TAFA5: variants seen among roughly 807,000 people sequenced by gnomAD.
TAFA5 encodes the protein chemokine-like protein TAFA-5.
A neutral mutation model predicts 15.3 loss-of-function variants in TAFA5; 6 were observed. The observed-to-expected ratio is 0.39, with a 90% CI of 0.21 to 0.77. The LOEUF (loss-of-function observed/expected upper bound fraction) is 0.77. Among genes scored for constraint, TAFA5 ranks in the 30% least tolerant of loss-of-function variants. The pLI is 0.41. For missense variants in TAFA5, 161 were observed against 193.1 expected (o/e 0.83, Z 0.98); for synonymous variants, 103 against 80.7 (o/e 1.28, Z -1.48).
At chr22:48,695,034 G>A (rs578082840) in intron 2 of TAFA5, among the ~76,000 whole-genome samples, 1 of 152,054 alleles carries the variant, frequency 6.6e-6, no homozygotes, top group African/African-American at 2.4e-5. Context: ...CCTGTGTCAG[G>A]ACTTACTGCC....
intron 1 of TAFA5, among the ~76,000 whole-genome samples, chr22:48,540,821 C>T (rs964082456): frequency 1.1e-4 from 16 of 147,832 alleles, no homozygotes; most frequent in East Asian, 4.0e-4. Context: ...TTGTGGCACT[C>T]GGTGTAATGG....
rs187237817 is a variant in TAFA5 at position 48,644,609 on chromosome 22, G to C, written c.113-1988G>C. Among the ~76,000 whole-genome samples, 50 of 152,342 alleles carry C rather than the reference G, an allele frequency of 3.3e-4. 1 individual carries two copies. The Middle Eastern group carries it at 0.01, about 31-fold the overall frequency. ...CGGCCTCTCCAAGTTCCTCCAAGCC[G>C]CACCCTGCCAGCACATGTGATGTCT... On this transcript the variant is annotated intron_variant, in intron 1 of 3. Transcript: ENST00000402357.
chr22:48,584,108 C>CCACA (rs958689768), intron 1 of TAFA5, among the ~76,000 whole-genome samples: 5 of 147,648 alleles, frequency 3.4e-5, no homozygotes, highest in African/African-American at 5.0e-5. Flanking sequence ...CACACACACA[C>CCACA]CACACACACA....
intron 1 of TAFA5, among the ~76,000 whole-genome samples, chr22:48,613,685 C>T (rs1907116490): frequency 6.6e-6 from 1 of 152,230 alleles, no homozygotes; most frequent in South Asian, 2.1e-4. Flanking sequence ...ATCTTGGCTC[C>T]ACCTGCTCTG....
rs552516095 is a variant in TAFA5 at position 48,514,335 on chromosome 22, T to C, written c.112+24631T>C. Reference sequence around the variant, plus strand: ...TGGTGAGAAGGCCAACCGATTATTTTTATATTACAATCCCCAGGCGTTGTC... The same window carrying C: ...TGGTGAGAAGGCCAACCGATTATTTCTATATTACAATCCCCAGGCGTTGTC... On this transcript the variant is annotated intron_variant, in intron 1 of 3. Transcript: ENST00000402357. Among the ~76,000 whole-genome samples, 320 of 152,340 alleles carry C rather than the reference T, an allele frequency of 2.1e-3. 1 individual carries two copies. The highest frequency in any genetic ancestry group is 0.01 in the Middle Eastern group (3 of 294).
intron 1 of TAFA5, among the ~76,000 whole-genome samples, chr22:48,551,661 G>C (rs533056208): frequency 6.6e-6 from 1 of 152,262 alleles, no homozygotes; most frequent in South Asian, 2.1e-4. Flanking sequence ...TCCTAAGGGG[G>C]GCAGGGTTCT....
intron 1 of TAFA5, among the ~76,000 whole-genome samples, chr22:48,540,726 C>T (rs1922338110): frequency 6.6e-6 from 1 of 151,504 alleles, no homozygotes; most frequent in South Asian, 2.1e-4. Context: ...TTCTTCTTTA[C>T]AAAATGATGT....
At chr22:48,615,090 G>C (rs911571812) in intron 1 of TAFA5, among the ~76,000 whole-genome samples, 1 of 152,146 alleles carries the variant, frequency 6.6e-6, no homozygotes, top group East Asian at 1.9e-4. Context: ...CAAAGCCTCC[G>C]TGTTTCCCAG....
At chr22:48,655,471 A>C (rs563492593) in intron 2 of TAFA5, among the ~76,000 whole-genome samples, 74 of 152,288 alleles carry the variant, frequency 4.9e-4, no homozygotes, top group African/African-American at 1.6e-3. Context: ...TGCATTCTCC[A>C]GAGAGGCAGA....
chr22:48,680,176 CACCCCAG>C (rs1017498175), intron 2 of TAFA5, among the ~76,000 whole-genome samples: 92 of 152,370 alleles, frequency 6.0e-4, no homozygotes, highest in African/African-American at 2.1e-3. Context: ...ACCACCTGCT[CACCCCAG>C]ACCCCAGGCC....
In TAFA5 at chr22:48,709,545, G is replaced by A. The variant is rs899104242; in HGVS notation, c.390+1701G>A. 3.3e-5 allele frequency among the ~76,000 whole-genome samples: 5 copies of A among 152,166 alleles called. No homozygotes were observed. In the East Asian group the frequency reaches 5.8e-4, roughly 18 times the overall value. ...AAGCTTCAACATAAGCGGCCACCTC[G>A]CCCTGAATTTGGGAGGGATGGGTGT... On this transcript the variant is annotated intron_variant, in intron 3 of 3. Coordinates refer to ENST00000402357, the MANE Select transcript of TAFA5 (RefSeq NM_001082967.3).
At chr22:48,569,596 C>T (rs1923515396) in intron 1 of TAFA5, among the ~76,000 whole-genome samples, 1 of 152,186 alleles carries the variant, frequency 6.6e-6, no homozygotes, top group Non-Finnish European at 1.5e-5. Flanking sequence ...TGGCTGTGTG[C>T]ATGGTGCCCG....
chr22:48,664,604 G>A (rs887988197), intron 2 of TAFA5, among the ~76,000 whole-genome samples: 2 of 151,982 alleles, frequency 1.3e-5, no homozygotes, highest in East Asian at 3.9e-4. Context: ...CACCCCTCCT[G>A]GCCCGATCTC....
chr22:48,630,087 G>A (rs556706948), intron 1 of TAFA5, among the ~76,000 whole-genome samples: 3 of 152,280 alleles, frequency 2.0e-5, no homozygotes, highest in African/African-American at 2.4e-5. Flanking sequence ...GGCGGGGGAC[G>A]AGCAGGTGGA....
intron 1 of TAFA5, among the ~76,000 whole-genome samples, chr22:48,517,492 G>A (rs1364442932): frequency 6.6e-6 from 1 of 152,204 alleles, no homozygotes. Flanking sequence ...GCTGGTGTGA[G>A]CCCAGGCTCC....
At chr22:48,630,168 A>G (rs1180949663) in intron 1 of TAFA5, among the ~76,000 whole-genome samples, 1 of 141,478 alleles carries the variant, frequency 7.1e-6, no homozygotes, top group Admixed American at 6.7e-5. Flanking sequence ...GGGGATGAGC[A>G]GGTGGAGTGG....
At chr22:48,642,533 G>T (rs1334185073) in intron 1 of TAFA5, among the ~76,000 whole-genome samples, 3 of 152,190 alleles carry the variant, frequency 2.0e-5, no homozygotes, top group Non-Finnish European at 2.9e-5. Context: ...AGCACTCGGA[G>T]CCGGACCACT....
intron 3 of TAFA5, among the ~76,000 whole-genome samples, chr22:48,727,735 A>G (rs920440684): frequency 6.6e-6 from 1 of 152,230 alleles, no homozygotes; most frequent in African/African-American, 2.4e-5. Flanking sequence ...GGTTAAAAGC[A>G]AAAAATAAAT....
At position 48,552,589 on chromosome 22, in the gene TAFA5, G is replaced by A. The variant is rs987859395; in HGVS notation, c.112+62885G>A. Among the ~76,000 whole-genome samples the A allele has an allele frequency of 1.3e-5, 2 of 152,102 alleles. No individual in the cohort carries two copies. The highest frequency in any genetic ancestry group is 1.9e-4 in the East Asian group (1 of 5,172). Reference sequence around the variant, plus strand: ...ATGCCCAGCTCTGCCTAAATGGATCGATCATCTAGAACCCCCGTCGCAGGG... The same window carrying A: ...ATGCCCAGCTCTGCCTAAATGGATCAATCATCTAGAACCCCCGTCGCAGGG... On this transcript the variant is annotated intron_variant, in intron 1 of 3. Coordinates refer to ENST00000402357, the MANE Select transcript of TAFA5 (RefSeq NM_001082967.3). The surrounding 1 kb of genome is among the most constrained non-coding windows in gnomAD (Gnocchi z 4.1).
Sources: gnomAD v4.1 joint callset for allele counts (sites outside exome capture counted in the v4.1 genomes callset) on GRCh38, gnomAD v4.1.1 for gene constraint, Gnocchi (gnomAD v3.1) non-coding constraint, MANE v1.5 for transcripts, NCBI Gene and HGNC (gene_info 2026-07-23, HGNC 2026-07-21) for gene names.